USP13: variants seen among roughly 807,000 people sequenced by gnomAD.
The protein encoded by USP13 is ubiquitin specific peptidase 13, also known as ubiquitin carboxyl-terminal hydrolase 13.
In USP13, 68 loss-of-function variants were observed where a neutral mutation model predicts 107.8. The ratio of observed to expected loss-of-function variants is 0.63; its 90% CI spans 0.52 to 0.77. The LOEUF is 0.77. USP13 is among the 30% of genes least tolerant of loss of function. USP13 has a pLI of 0.00. For synonymous variants in USP13, 377 were observed against 389.5 expected, an observed-to-expected ratio of 0.97 and a Z score of 0.38; for missense variants, 945 against 1,093.3, an observed-to-expected ratio of 0.86 and a Z score of 1.91.
In USP13 at chr3:179,669,965, C is replaced by T. The variant is rs1050711886; in HGVS notation, c.169-11913C>T. On this transcript the variant is annotated intron_variant, in intron 1 of 20. Coordinates refer to ENST00000263966, the MANE Select transcript of USP13 (RefSeq NM_003940.3). ...CAGTGTGCACCCAGCTCTCCCCTGG[C>T]GTGCCAGGCTTCCTTGAGCTGACCT... Among the ~76,000 whole-genome samples the T allele has an allele frequency of 1.6e-4, 24 of 152,172 alleles. 1 individual carries two copies. Among genetic ancestry groups the T allele is most frequent in the African/African-American group, 4.6e-4 (19 of 41,412 alleles).
chr3:179,787,506 T>C lies in USP13; in HGVS notation c.*3365T>C, dbSNP rs1715943675. On this transcript the variant is annotated 3_prime_UTR_variant, in exon 21 of 21. Coordinates refer to ENST00000263966, the MANE Select transcript of USP13 (RefSeq NM_003940.3). ...GTTATATTTTTGCATTGTTACAGCT[T>C]ATACTCCCCAGTTGAGGACCTGTGT... is the stretch of plus-strand genomic sequence containing the variant. 1 of 152,246 alleles carries C rather than the reference T, an allele frequency of 6.6e-6. No individual in the cohort carries two copies. The highest frequency in any genetic ancestry group is 2.4e-5 in the African/African-American group (1 of 41,458). The allele number at this position is 152,246 out of a possible 1,614,324, so 9.4% of individuals were successfully genotyped here.
At chr3:179,746,268 T>TA (rs1714406023) in intron 13 of USP13, among the ~76,000 whole-genome samples, 1 of 147,294 alleles carries the variant, frequency 6.8e-6, no homozygotes, top group Non-Finnish European at 1.5e-5. Context: ...TTATATATAT[T>TA]TTTTAGAGGG....
intron 16 of USP13, among the ~76,000 whole-genome samples, chr3:179,759,371 G>A (rs1358758094): frequency 1.3e-5 from 2 of 152,162 alleles, no homozygotes; most frequent in Non-Finnish European, 2.9e-5. Context: ...AGTCTTAAAA[G>A]TTGTTGAAAG....
intron 1 of USP13, among the ~76,000 whole-genome samples, chr3:179,661,711 G>T (rs1376634775): frequency 6.6e-6 from 1 of 152,144 alleles, no homozygotes; most frequent in Non-Finnish European, 1.5e-5. Flanking sequence ...TTGCCTGTAG[G>T]TTCTCAGCTG....
chr3:179,763,595 CTT>C (rs993195662), intron 17 of USP13, among the ~76,000 whole-genome samples: 4 of 151,380 alleles, frequency 2.6e-5, no homozygotes, highest in African/African-American at 9.7e-5. Flanking sequence ...ACCAGACTGT[CTT>C]TTTTTTTGAG....
In USP13 at chr3:179,653,261, C is replaced by G; in HGVS notation, c.36C>G (p.Gly12=). 6.4e-7 allele frequency: 1 copy of G among 1,561,318 alleles called. No homozygotes were observed. The highest frequency in any genetic ancestry group is 1.2e-5 in the South Asian group (1 of 84,792). ...QRRGALFGMP[G]GSGGRKMAAG... Reference sequence around the variant, plus strand: ...GGGGCGCCCTGTTCGGCATGCCGGGCGGCAGCGGAGGCAGGAAGATGGCTG... The same window carrying G: ...GGGGCGCCCTGTTCGGCATGCCGGGGGGCAGCGGAGGCAGGAAGATGGCTG... The change falls in exon 1 of 21, where the codon GGC becomes GGG. Residue 12 remains glycine, a synonymous_variant. Transcript: ENST00000263966. The surrounding 1 kb of genome is among the most constrained non-coding windows in gnomAD (Gnocchi z 4.0).
chr3:179,659,796 T>C (rs941501438), intron 1 of USP13, among the ~76,000 whole-genome samples: 2 of 152,134 alleles, frequency 1.3e-5, no homozygotes, highest in Non-Finnish European at 2.9e-5. Context: ...CCCAGCACTT[T>C]GGGAGGCTGA....
chr3:179,663,757 T>TAG (rs1720515507), intron 1 of USP13, among the ~76,000 whole-genome samples: 1 of 152,230 alleles, frequency 6.6e-6, no homozygotes, highest in African/African-American at 2.4e-5. Flanking sequence ...TCTGCTTACT[T>TAG]TCTGTCTGTC....
chr3:179,747,741 C>T (rs960257990), intron 13 of USP13, among the ~76,000 whole-genome samples: 7 of 152,268 alleles, frequency 4.6e-5, no homozygotes, highest in East Asian at 1.9e-4. Context: ...GCAAAGTCAC[C>T]GCCCAGTGAT....
Position 179,682,008 on chromosome 3 carries a change from G to C in USP13, c.294+5G>C. 6.2e-7 allele frequency: 1 copy of C among 1,610,422 alleles called. No individual in the cohort carries two copies. The highest frequency in any genetic ancestry group is 8.5e-7 in the Non-Finnish European group (1 of 1,177,858). On this transcript the variant is annotated splice_donor_5th_base_variant and intron_variant, in intron 2 of 20. Coordinates refer to ENST00000263966, the MANE Select transcript of USP13 (RefSeq NM_003940.3). ...CTGAAAAGACATGTGCGAGAGGTGAGAGCGGCACTTTCAGAGAACTGGCCT... is the reference window on the plus strand; with the variant it reads ...CTGAAAAGACATGTGCGAGAGGTGACAGCGGCACTTTCAGAGAACTGGCCT...
At chr3:179,777,223 A>G (rs1303342299) in intron 19 of USP13, among the ~76,000 whole-genome samples, 3 of 151,982 alleles carry the variant, frequency 2.0e-5, no homozygotes, top group African/African-American at 7.3e-5. Context: ...CTTTAGTGAC[A>G]TGTTTGGATA....
chr3:179,717,148 T>TA (rs901914969), intron 6 of USP13, among the ~76,000 whole-genome samples: 58 of 152,200 alleles, frequency 3.8e-4, no homozygotes, highest in African/African-American at 1.4e-3. Context: ...GCCTATTTAC[T>TA]ACCATAGTTT....
At chr3:179,728,628 G>A (rs1713664999) in intron 8 of USP13, among the ~76,000 whole-genome samples, 1 of 152,080 alleles carries the variant, frequency 6.6e-6, no homozygotes, top group Non-Finnish European at 1.5e-5. Context: ...GGCCAAGGCA[G>A]GCTGCTGAGA....
At position 179,717,595 on chromosome 3, in the gene USP13, C is replaced by A. The variant is rs188329907; in HGVS notation, c.806-2345C>A. ...CTAATACAGCCCTGATCATTAGAGGCTTAAAGTCTTAAGTCTTCAAACTAT... is the reference window on the plus strand; with the variant it reads ...CTAATACAGCCCTGATCATTAGAGGATTAAAGTCTTAAGTCTTCAAACTAT... On this transcript the variant is annotated intron_variant, in intron 6 of 20. Coordinates refer to ENST00000263966, the MANE Select transcript of USP13 (RefSeq NM_003940.3). Among the ~76,000 whole-genome samples, 232 of 152,250 alleles carry A rather than the reference C, an allele frequency of 1.5e-3. 1 individual carries two copies. The highest frequency in any genetic ancestry group is 5.5e-3 in the African/African-American group (227 of 41,546).
chr3:179,745,243 G>A, intron 13 of USP13, 26 bp downstream of exon 13: 1 of 1,610,914 alleles, frequency 6.2e-7, no homozygotes, highest in Non-Finnish European at 8.5e-7. Context: ...TGTGGTGGCA[G>A]TGGGGTGAGG....
At chr3:179,760,125 C>T (rs575593034) in intron 16 of USP13, among the ~76,000 whole-genome samples, 31 of 152,170 alleles carry the variant, frequency 2.0e-4, no homozygotes, top group African/African-American at 7.2e-4. Flanking sequence ...TTTTTCTCCT[C>T]TTTTGGTGTA....
Position 179,721,688 on chromosome 3 carries a change from C to G in USP13, c.1088+99C>G, listed in dbSNP as rs1713325279. On this transcript the variant is annotated intron_variant, in intron 8 of 20. Coordinates refer to ENST00000263966, the MANE Select transcript of USP13 (RefSeq NM_003940.3). This position sits in a 1 kb window ranked among gnomAD's most constrained non-coding sequence, Gnocchi z 4.3. ...GCTGCGAAGCCCATCTTTATTGCTTCAGGACATTTTGCCACCTTTTCTCTG... is the reference window on the plus strand; with the variant it reads ...GCTGCGAAGCCCATCTTTATTGCTTGAGGACATTTTGCCACCTTTTCTCTG... 2.2e-6 allele frequency: 3 copies of G among 1,337,396 alleles called. No homozygotes were observed. The East Asian group carries it at 7.4e-5, about 33-fold the overall frequency. 82.8% of individuals were successfully genotyped at this position (1,337,396 alleles called of 1,614,324 possible). A position where few individuals can be genotyped will look rare whatever the true frequency, so the allele number is the denominator to read the frequency against.
At position 179,761,273 on chromosome 3, in the gene USP13, G is replaced by T. The variant is rs374584361; in HGVS notation, c.2092+18G>T. On this transcript the variant is annotated intron_variant, in intron 17 of 20. Transcript: ENST00000263966. ...AGAGCCAGGTAGGTGGCGAGAAAAT[G>T]GAATGGCTTTGGAGTCTGATGTGAC... 2 of 1,613,796 alleles carry T rather than the reference G, an allele frequency of 1.2e-6. No homozygotes were observed. The highest frequency in any genetic ancestry group is 1.7e-6 in the Non-Finnish European group (2 of 1,179,914).
intron 1 of USP13, 121 bp from the exon 2 acceptor site, chr3:179,681,757 G>A (rs2108453743): frequency 7.8e-7 from 1 of 1,280,594 alleles, no homozygotes; most frequent in Non-Finnish European, 1.1e-6. Context: ...CACAGCAGGA[G>A]CCTCGGTGGC....
Sources: gnomAD v4.1 joint callset for allele counts (sites outside exome capture counted in the v4.1 genomes callset) on GRCh38, gnomAD v4.1.1 for gene constraint, Gnocchi (gnomAD v3.1) non-coding constraint, MANE v1.5 for transcripts, NCBI Gene and HGNC (gene_info 2026-07-23, HGNC 2026-07-21) for gene names.